Variants in RGS7 observed in about 807,000 individuals in gnomAD.
The protein encoded by RGS7 is regulator of G-protein signaling 7.
In RGS7, 27 loss-of-function variants were observed where a neutral mutation model predicts 81.1. That is an observed-to-expected ratio of 0.33 (90% CI 0.25 to 0.46). The LOEUF (loss-of-function observed/expected upper bound fraction) is 0.46. Among genes scored for constraint, RGS7 ranks in the 20% least tolerant of loss-of-function variants. The pLI is 1.00. For missense variants in RGS7, 396 were observed against 607.4 expected, an observed-to-expected ratio of 0.65 and a Z score of 3.66; for synonymous variants, 208 against 207.7, an observed-to-expected ratio of 1.00 and a Z score of -0.01.
At chr1:241,124,205 G>A (rs1270846083) in intron 2 of RGS7, among the ~76,000 whole-genome samples, 1 of 150,928 alleles carries the variant, frequency 6.6e-6, no homozygotes, top group Non-Finnish European at 1.5e-5. Context: ...ATCAGCCTGG[G>A]CAACATTAGT....
intron 2 of RGS7, among the ~76,000 whole-genome samples, chr1:241,138,222 C>A (rs1454662741): frequency 1.3e-5 from 2 of 148,428 alleles, no homozygotes; most frequent in African/African-American, 5.0e-5. Flanking sequence ...ACAAACTAAA[C>A]CATAATCAAG....
At chr1:241,038,336 GA>G (rs2060436917) in intron 3 of RGS7, among the ~76,000 whole-genome samples, 1 of 152,092 alleles carries the variant, frequency 6.6e-6, no homozygotes. Flanking sequence ...GGAGTAAAAA[GA>G]TATTTCAGTT....
intron 2 of RGS7, among the ~76,000 whole-genome samples, chr1:241,254,795 C>T (rs1307872656): frequency 1.3e-5 from 2 of 152,176 alleles, no homozygotes; most frequent in African/African-American, 2.4e-5. Flanking sequence ...GTAAAAACCA[C>T]ATTGTCTGGG....
intron 6 of RGS7, chr1:240,919,682 G>A (rs1399917728): frequency 8.8e-5 from 49 of 556,370 alleles, no homozygotes; most frequent in Middle Eastern, 5.3e-4. Flanking sequence ...CTAAAGAACC[G>A]AACAGCTGAG....
At chr1:241,139,583 A>G (rs1424666709) in intron 2 of RGS7, among the ~76,000 whole-genome samples, 1 of 152,214 alleles carries the variant, frequency 6.6e-6, no homozygotes, top group Non-Finnish European at 1.5e-5. Flanking sequence ...CTGCCAAACC[A>G]TTCTCCAAAA....
rs140201693 is a variant in RGS7 at position 241,172,147 on chromosome 1, T to C, written c.79-73385A>G. On this transcript the variant is annotated intron_variant, in intron 2 of 18. Coordinates refer to ENST00000440928, the MANE Select transcript of RGS7 (RefSeq NM_001364886.1). ...GAAGCTGCCTTTCCATGATTCCCAT[T>C]GTTTATGCAGTCATTCTGTGTTGTC... Among the ~76,000 whole-genome samples the C allele has an allele frequency of 6.9e-3, 1,049 of 152,312 alleles. 6 individuals carry two copies. Among genetic ancestry groups the C allele is most frequent in the African/African-American group, 0.024 (992 of 41,582 alleles).
chr1:240,938,454 C>T lies in RGS7; in HGVS notation c.227-1748G>A, dbSNP rs1463968971. On this transcript the variant is annotated intron_variant, in intron 4 of 18. Transcript: ENST00000440928. Reference sequence around the variant, plus strand: ...GGAGCTTTTACACCTCAGTTAAGAACTGAGTAACTAAGTAGCTAGCTATGG... The same window carrying T: ...GGAGCTTTTACACCTCAGTTAAGAATTGAGTAACTAAGTAGCTAGCTATGG... Among the ~76,000 whole-genome samples, 3 of 152,122 alleles carry T rather than the reference C, an allele frequency of 2.0e-5. No homozygotes were observed. The South Asian group carries it at 6.2e-4, about 32-fold the overall frequency.
chr1:241,115,125 T>C (rs1023890920), intron 2 of RGS7, among the ~76,000 whole-genome samples: 1 of 152,218 alleles, frequency 6.6e-6, no homozygotes, highest in African/African-American at 2.4e-5. Context: ...TGTAATCCTG[T>C]TAAATTTGTT....
rs370912197 is a variant in RGS7 at position 240,947,124 on chromosome 1, G to C, written c.227-10418C>G. On this transcript the variant is annotated intron_variant, in intron 4 of 18. Coordinates refer to ENST00000440928, the MANE Select transcript of RGS7 (RefSeq NM_001364886.1). ...GTGGACAACACACACATGCCCCCTG[G>C]TGGGAAGAGTACTGCATTATATGGG... is the stretch of plus-strand genomic sequence containing the variant. Among the ~76,000 whole-genome samples the C allele has an allele frequency of 1.4e-4, 21 of 152,304 alleles. 1 individual carries two copies. Among genetic ancestry groups the C allele is most frequent in the Admixed American group, 4.6e-4 (7 of 15,294 alleles).
chr1:240,827,789 G>A (rs1418199218), intron 9 of RGS7, among the ~76,000 whole-genome samples: 6 of 151,066 alleles, frequency 4.0e-5, no homozygotes, highest in African/African-American at 9.8e-5. Flanking sequence ...ACTTGAACCC[G>A]GGAGGTGGAG....
At chr1:241,125,263 A>G (rs2066569036) in intron 2 of RGS7, among the ~76,000 whole-genome samples, 1 of 152,180 alleles carries the variant, frequency 6.6e-6, no homozygotes, top group African/African-American at 2.4e-5. Flanking sequence ...CTCCATAACA[A>G]TGCTACTCGC....
chr1:241,143,316 G>A (rs1258061027), intron 2 of RGS7, among the ~76,000 whole-genome samples: 1 of 152,088 alleles, frequency 6.6e-6, no homozygotes, highest in Non-Finnish European at 1.5e-5. Context: ...TACTGTATTA[G>A]TCCATTTTCA....
chr1:241,246,077 CT>C (rs1446157340), intron 2 of RGS7, among the ~76,000 whole-genome samples: 1 of 152,068 alleles, frequency 6.6e-6, no homozygotes, highest in African/African-American at 2.4e-5. Flanking sequence ...GCCCTCCAGC[CT>C]GGGGGACAGA....
intron 6 of RGS7, among the ~76,000 whole-genome samples, chr1:240,873,929 T>A (rs912810967): frequency 6.6e-6 from 1 of 152,224 alleles, no homozygotes; most frequent in African/African-American, 2.4e-5. Context: ...GTTCCTGAAT[T>A]TTAAACAGTC....
intron 6 of RGS7, among the ~76,000 whole-genome samples, chr1:240,928,808 G>T (rs559266386): frequency 6.6e-6 from 1 of 151,774 alleles, no homozygotes. Context: ...ATGGGGTTTC[G>T]TCATGTTGGC....
chr1:241,337,573 C>T (rs953947708), intron 2 of RGS7, among the ~76,000 whole-genome samples: 7 of 151,372 alleles, frequency 4.6e-5, no homozygotes, highest in Admixed American at 2.0e-4. Flanking sequence ...ACTGAATGTG[C>T]GGCCCATTAT....
intron 4 of RGS7, among the ~76,000 whole-genome samples, chr1:240,971,396 C>T (rs1236132210): frequency 6.6e-6 from 1 of 152,108 alleles, no homozygotes; most frequent in African/African-American, 2.4e-5. Context: ...AAAATAAATT[C>T]CTCCCTTCTA....
At chr1:240,903,490 A>C (rs1056282139) in intron 6 of RGS7, among the ~76,000 whole-genome samples, 1 of 152,044 alleles carries the variant, frequency 6.6e-6, no homozygotes, top group African/African-American at 2.4e-5. Context: ...TAATATATTT[A>C]TATCAATGAT....
chr1:241,185,598 C>T (rs2072026493), intron 2 of RGS7, among the ~76,000 whole-genome samples: 1 of 151,960 alleles, frequency 6.6e-6, no homozygotes, highest in African/African-American at 2.4e-5. Context: ...AGCTATAAAA[C>T]AAACTTTAAC....
Sources: gnomAD v4.1 joint callset for allele counts (sites outside exome capture counted in the v4.1 genomes callset) on GRCh38, gnomAD v4.1.1 for gene constraint, MANE v1.5 for transcripts, NCBI Gene and HGNC (gene_info 2026-07-23, HGNC 2026-07-21) for gene names.